Variants in SLC2A13 observed in about 807,000 individuals in gnomAD.
The protein encoded by SLC2A13 is proton myo-inositol cotransporter.
In SLC2A13, 32 loss-of-function variants were observed where a neutral mutation model predicts 64.4. The observed-to-expected ratio is 0.50, with a 90% confidence interval of 0.37 to 0.67. The LOEUF (loss-of-function observed/expected upper bound fraction) is 0.67, where lower values mean the gene tolerates loss of function less well. Ranked by LOEUF, SLC2A13 falls within the 30% of genes least tolerant of loss-of-function variation. The probability of loss-of-function intolerance (pLI) is 0.00; values close to 1 mark genes in which losing one functional copy is unlikely to be tolerated. For missense variants in SLC2A13, 743 were observed against 829.2 expected, an observed-to-expected ratio of 0.90 and a Z score of 1.28; for synonymous variants, 338 against 327.1, an observed-to-expected ratio of 1.03 and a Z score of -0.36.
At chr12:39,899,079 T>C (rs1427481918) in intron 4 of SLC2A13, among the ~76,000 whole-genome samples, 1 of 152,248 alleles carries the variant, frequency 6.6e-6, no homozygotes, top group African/African-American at 2.4e-5. Context: ...CTTGTACCTC[T>C]GGTAGAATTC....
At chr12:40,020,760 A>G (rs1232773835) in intron 3 of SLC2A13, among the ~76,000 whole-genome samples, 1 of 152,166 alleles carries the variant, frequency 6.6e-6, no homozygotes, top group Non-Finnish European at 1.5e-5. Context: ...GGGCATAGCA[A>G]TTTGTCGTAT....
chr12:39,984,624 T>C (rs893507848), intron 3 of SLC2A13, among the ~76,000 whole-genome samples: 5 of 152,190 alleles, frequency 3.3e-5, no homozygotes, highest in African/African-American at 9.6e-5. Flanking sequence ...ATATATTCCA[T>C]TCATAATTTC....
chr12:39,923,475 C>T (rs997753027), intron 4 of SLC2A13, among the ~76,000 whole-genome samples: 4 of 151,924 alleles, frequency 2.6e-5, no homozygotes, highest in Non-Finnish European at 5.9e-5. Flanking sequence ...AGAAAACAGA[C>T]TACAAGTCAC....
chr12:40,042,620 C>T (rs1232993590), intron 2 of SLC2A13, among the ~76,000 whole-genome samples: 4 of 151,964 alleles, frequency 2.6e-5, no homozygotes, highest in African/African-American at 9.7e-5. Flanking sequence ...TTTATGCTAA[C>T]TAAGAGTCCC....
At position 39,759,909 on chromosome 12, in the gene SLC2A13, G is replaced by T. The variant is rs1020202417; in HGVS notation, c.*117C>A. On this transcript the variant is annotated 3_prime_UTR_variant, in exon 10 of 10. Transcript: ENST00000280871. ...CTAATCAAGTATTCTAGAATATGAA[G>T]TCAATCAAAACTAGGCTGTGGAAAG... The T allele has an allele frequency of 2.6e-5, 18 of 702,174 alleles. No individual in the cohort carries two copies. The highest frequency in any genetic ancestry group is 2.3e-4 in the African/African-American group (13 of 55,428). 43.5% of individuals were successfully genotyped at this position (702,174 alleles called of 1,614,324 possible).
At chr12:39,938,118 TA>T (rs1945947877) in intron 4 of SLC2A13, among the ~76,000 whole-genome samples, 1 of 152,128 alleles carries the variant, frequency 6.6e-6, no homozygotes, top group South Asian at 2.1e-4. Flanking sequence ...CCTGGGACTT[TA>T]TAAACTGCAG....
At chr12:39,826,813 A>G (rs939273993) in intron 7 of SLC2A13, among the ~76,000 whole-genome samples, 1 of 139,028 alleles carries the variant, frequency 7.2e-6, no homozygotes, top group Non-Finnish European at 1.5e-5. Context: ...GTATAATTGA[A>G]AAATACACTA....
intron 4 of SLC2A13, among the ~76,000 whole-genome samples, chr12:39,903,428 C>T (rs1945189263): frequency 1.3e-5 from 2 of 152,032 alleles, no homozygotes; most frequent in Admixed American, 1.3e-4. Context: ...GAGTAGTAAA[C>T]ATCTGCTGTG....
chr12:40,020,122 G>A (rs1323638198), intron 3 of SLC2A13, among the ~76,000 whole-genome samples: 1 of 152,028 alleles, frequency 6.6e-6, no homozygotes, highest in Non-Finnish European at 1.5e-5. Flanking sequence ...TTTAAAATAT[G>A]AGGGAAAAAA....
intron 3 of SLC2A13, among the ~76,000 whole-genome samples, chr12:39,952,623 T>C (rs1946250248): frequency 6.6e-6 from 1 of 152,178 alleles, no homozygotes; most frequent in African/African-American, 2.4e-5. Flanking sequence ...TTGCAAATGA[T>C]TTTGTTTCTA....
intron 7 of SLC2A13, among the ~76,000 whole-genome samples, chr12:39,800,477 C>T (rs1055384234): frequency 6.8e-5 from 9 of 132,596 alleles, no homozygotes; most frequent in African/African-American, 2.6e-4. Flanking sequence ...TTTATGCAGC[C>T]AAAAAACACA....
intron 1 of SLC2A13, among the ~76,000 whole-genome samples, chr12:40,061,221 A>G (rs1948415692): frequency 6.6e-6 from 1 of 152,144 alleles, no homozygotes. Context: ...AAGGCAACAG[A>G]AAATGGTAGA....
chr12:40,025,559 C>T (rs1304262821), intron 3 of SLC2A13, among the ~76,000 whole-genome samples: 1 of 152,184 alleles, frequency 6.6e-6, no homozygotes, highest in Non-Finnish European at 1.5e-5. Flanking sequence ...AAGCTCAATG[C>T]GAACAGGTAT....
intron 3 of SLC2A13, among the ~76,000 whole-genome samples, chr12:40,016,142 A>G (rs1947616685): frequency 6.6e-6 from 1 of 152,070 alleles, no homozygotes; most frequent in Non-Finnish European, 1.5e-5. Flanking sequence ...AGCTACAGCC[A>G]TGATTCCATG....
chr12:39,973,048 C>T (rs1946693927), intron 3 of SLC2A13, among the ~76,000 whole-genome samples: 1 of 152,196 alleles, frequency 6.6e-6, no homozygotes, highest in Non-Finnish European at 1.5e-5. Context: ...GCCCGGGCAA[C>T]AAGAGCAAAA....
chr12:39,786,871 T>C lies in SLC2A13; in HGVS notation c.1446-22013A>G, dbSNP rs549017669. 2.6e-5 allele frequency among the ~76,000 whole-genome samples: 4 copies of C among 152,330 alleles called. No homozygotes were observed. In the East Asian group the frequency reaches 7.7e-4, roughly 29 times the overall value. Reference sequence around the variant, plus strand: ...GGAATTGAGATTTTAGTAAATGACTTATTTTGAGCTAGTTCTTTGTCCACT... The same window carrying C: ...GGAATTGAGATTTTAGTAAATGACTCATTTTGAGCTAGTTCTTTGTCCACT... On this transcript the variant is annotated intron_variant, in intron 7 of 9. Coordinates refer to ENST00000280871, the MANE Select transcript of SLC2A13 (RefSeq NM_052885.4).
At chr12:40,033,331 G>A (rs1239459930) in intron 2 of SLC2A13, among the ~76,000 whole-genome samples, 1 of 152,184 alleles carries the variant, frequency 6.6e-6, no homozygotes, top group Non-Finnish European at 1.5e-5. Flanking sequence ...GAATTCAGAG[G>A]TTCCCTTTGG....
intron 7 of SLC2A13, among the ~76,000 whole-genome samples, chr12:39,813,635 T>C (rs1256218523): frequency 6.6e-6 from 1 of 152,232 alleles, no homozygotes; most frequent in Non-Finnish European, 1.5e-5. Context: ...AGTGACTTTT[T>C]TCAGTTCATT....
At chr12:39,804,023 A>G (rs573896505) in intron 7 of SLC2A13, among the ~76,000 whole-genome samples, 11 of 152,306 alleles carry the variant, frequency 7.2e-5, no homozygotes, top group African/African-American at 2.4e-4. Context: ...GTCTGAATTC[A>G]TTAAAAAAAA....
Sources: gnomAD v4.1 joint callset for allele counts (sites outside exome capture counted in the v4.1 genomes callset) on GRCh38, gnomAD v4.1.1 for gene constraint, MANE v1.5 for transcripts, NCBI Gene and HGNC (gene_info 2026-07-23, HGNC 2026-07-21) for gene names.